Variants in SLC30A8 observed in about 807,000 individuals in gnomAD.
SLC30A8 encodes the protein solute carrier family 30 member 8, also known as proton-coupled zinc antiporter SLC30A8.
In SLC30A8, 27 loss-of-function variants were observed where a neutral mutation model predicts 36.9. That is an observed-to-expected ratio of 0.73 (90% CI 0.54 to 1.01). The LOEUF (loss-of-function observed/expected upper bound fraction) is 1.01. Ranked by LOEUF, SLC30A8 falls within the 50% of genes least tolerant of loss-of-function variation. The pLI, the probability that SLC30A8 is intolerant of heterozygous loss-of-function variation, is 0.00. For synonymous variants in SLC30A8, 164 were observed against 172.4 expected (o/e 0.95, Z 0.38); for missense variants, 439 against 452.0 (o/e 0.97, Z 0.26).
intron 2 of SLC30A8, among the ~76,000 whole-genome samples, chr8:117,097,375 T>A (rs1819419880): frequency 1.0e-5 from 1 of 99,004 alleles, no homozygotes; most frequent in African/African-American, 4.4e-5. Flanking sequence ...CTAGCCTGGG[T>A]GACAAAGCAA....
intron 1 of SLC30A8, among the ~76,000 whole-genome samples, chr8:116,988,195 A>G (rs1422894864): frequency 6.6e-6 from 1 of 152,098 alleles, no homozygotes; most frequent in Non-Finnish European, 1.5e-5. Flanking sequence ...GGTGATCTGG[A>G]TGGGCAACAC....
intron 1 of SLC30A8, among the ~76,000 whole-genome samples, chr8:116,961,353 C>T (rs566322600): frequency 3.3e-5 from 5 of 152,178 alleles, no homozygotes; most frequent in East Asian, 1.9e-4. Flanking sequence ...GGCTTAAACC[C>T]GGGAGGCAGA....
intron 6 of SLC30A8, among the ~76,000 whole-genome samples, chr8:117,166,873 T>C (rs1823084320): frequency 6.6e-6 from 1 of 151,254 alleles, no homozygotes. Flanking sequence ...TGTTCACTGC[T>C]AAGTATACAT....
At chr8:117,153,210 C>A in intron 3 of SLC30A8, 120 bp downstream of exon 3, 1 of 1,010,430 alleles carries the variant, frequency 9.9e-7, no homozygotes, top group Non-Finnish European at 1.4e-6. Flanking sequence ...ATTTCTGATG[C>A]ACAGGATAAA....
intron 2 of SLC30A8, among the ~76,000 whole-genome samples, chr8:117,053,418 G>A (rs1048501887): frequency 2.6e-5 from 4 of 152,124 alleles, no homozygotes; most frequent in Non-Finnish European, 4.4e-5. Flanking sequence ...AGTTTTCTCT[G>A]TGTCTCTTGC....
At chr8:117,147,822 G>A (rs1487733260) in intron 2 of SLC30A8, among the ~76,000 whole-genome samples, 1 of 152,052 alleles carries the variant, frequency 6.6e-6, no homozygotes, top group Non-Finnish European at 1.5e-5. Context: ...CTTTGCTACT[G>A]TATAGATGAA....
At chr8:117,083,324 C>T (rs563985807) in intron 2 of SLC30A8, among the ~76,000 whole-genome samples, 131 of 152,282 alleles carry the variant, frequency 8.6e-4, no homozygotes, top group African/African-American at 2.9e-3. Flanking sequence ...GAGTTGCTCT[C>T]CTGGAATTAT....
intron 2 of SLC30A8, among the ~76,000 whole-genome samples, chr8:117,117,943 T>C (rs1469874628): frequency 6.6e-6 from 1 of 151,990 alleles, no homozygotes; most frequent in East Asian, 1.9e-4. Context: ...TCAGAAATAG[T>C]GTTCTGGAAA....
chr8:117,080,409 T>G (rs1475075256), intron 2 of SLC30A8, among the ~76,000 whole-genome samples: 1 of 152,128 alleles, frequency 6.6e-6, no homozygotes, highest in African/African-American at 2.4e-5. Flanking sequence ...AAAGGTATAC[T>G]GTGTGATGCT....
chr8:117,109,052 C>T (rs940369895), intron 2 of SLC30A8, among the ~76,000 whole-genome samples: 4 of 152,190 alleles, frequency 2.6e-5, no homozygotes, highest in African/African-American at 9.6e-5. Context: ...AAAAAGAAGG[C>T]GTCTTGACTG....
chr8:117,070,057 A>G (rs1288472772), intron 2 of SLC30A8, among the ~76,000 whole-genome samples: 2 of 152,254 alleles, frequency 1.3e-5, no homozygotes, highest in Non-Finnish European at 2.9e-5. Context: ...TTGATGATCT[A>G]TAGTTTCCTA....
chr8:117,161,680 C>T (rs186767716), intron 4 of SLC30A8, 58 bp from the exon 5 acceptor site: 7 of 1,517,536 alleles, frequency 4.6e-6, no homozygotes, highest in African/African-American at 4.1e-5. Flanking sequence ...CTCCATTATG[C>T]TGCCTACGTT....
intron 2 of SLC30A8, among the ~76,000 whole-genome samples, chr8:117,102,454 C>G (rs953485637): frequency 6.6e-6 from 1 of 152,118 alleles, no homozygotes; most frequent in African/African-American, 2.4e-5. Context: ...CATTTTATCT[C>G]TCATCACCCT....
chr8:116,973,613 C>A (rs1284107492), intron 1 of SLC30A8, among the ~76,000 whole-genome samples: 2 of 152,112 alleles, frequency 1.3e-5, no homozygotes, highest in South Asian at 2.1e-4. Context: ...GCCATACTGC[C>A]CAAGGTGATT....
rs529627822 is a variant in SLC30A8 at position 116,962,086 on chromosome 8, T to C, written c.-266+10967T>C. ...GTTGAGCTCTAAGCTTTCTAGCAGCTAATAGCAACAACAAAAAAGATAATT... is the reference window on the plus strand; with the variant it reads ...GTTGAGCTCTAAGCTTTCTAGCAGCCAATAGCAACAACAAAAAAGATAATT... On this transcript the variant is annotated intron_variant, in intron 1 of 10. Transcript: ENST00000427715. Among the ~76,000 whole-genome samples the C allele has an allele frequency of 1.1e-4, 16 of 152,164 alleles. No homozygotes were observed. In the East Asian group the frequency reaches 2.9e-3, roughly 27 times the overall value.
intron 2 of SLC30A8, among the ~76,000 whole-genome samples, chr8:117,098,472 G>A (rs896753801): frequency 1.3e-5 from 2 of 152,072 alleles, no homozygotes; most frequent in African/African-American, 2.4e-5. Context: ...TCAGGAAAGC[G>A]TGTAGCTCCC....
At chr8:116,974,320 A>G (rs1362624703) in intron 1 of SLC30A8, among the ~76,000 whole-genome samples, 1 of 152,254 alleles carries the variant, frequency 6.6e-6, no homozygotes, top group Non-Finnish European at 1.5e-5. Context: ...CGGAATCTAC[A>G]AAGAACTTAA....
intron 2 of SLC30A8, among the ~76,000 whole-genome samples, chr8:117,127,184 G>C (rs1366332317): frequency 6.6e-6 from 1 of 151,754 alleles, no homozygotes; most frequent in African/African-American, 2.4e-5. Flanking sequence ...ATTGGTACGC[G>C]TTCCAAATTA....
intron 2 of SLC30A8, among the ~76,000 whole-genome samples, chr8:117,083,997 G>A (rs1043396236): frequency 6.6e-6 from 1 of 152,080 alleles, no homozygotes; most frequent in African/African-American, 2.4e-5. Flanking sequence ...CCCAAGATAA[G>A]AGCACAGAGA....
Sources: gnomAD v4.1 joint callset for allele counts (sites outside exome capture counted in the v4.1 genomes callset) on GRCh38, gnomAD v4.1.1 for gene constraint, MANE v1.5 for transcripts, NCBI Gene and HGNC (gene_info 2026-07-23, HGNC 2026-07-21) for gene names.